Variants in EPS15 observed in about 807,000 individuals in gnomAD.
EPS15 encodes the protein epidermal growth factor receptor pathway substrate 15.
EPS15 carries 72 observed loss-of-function variants against 113.8 expected under a neutral mutation model. The ratio of observed to expected loss-of-function variants is 0.63; its 90% confidence interval spans 0.52 to 0.77. EPS15 has a LOEUF of 0.77. EPS15 is among the 30% of genes least tolerant of loss of function. The pLI, the probability that EPS15 is intolerant of heterozygous loss-of-function variation, is 0.00. For synonymous variants in EPS15, 344 were observed against 363.4 expected, an observed-to-expected ratio of 0.95 and a Z score of 0.61; for missense variants, 1,048 against 1,045.8, an observed-to-expected ratio of 1.00 and a Z score of -0.03.
At chr1:51,508,264 GAGAGAGAGAA>G (rs1286632298) in intron 1 of EPS15, among the ~76,000 whole-genome samples, 7 of 132,498 alleles carry the variant, frequency 5.3e-5, no homozygotes, top group Non-Finnish European at 9.4e-5. Context: ...GAGAGAGAGA[GAGAGAGAGAA>G]AGAGAGAAAG....
At chr1:51,458,792 T>C (rs72696154) in intron 8 of EPS15, 4,188 of 214,454 alleles carry the variant, frequency 0.02, 63 homozygotes, top group Non-Finnish European at 0.027. Context: ...CATCGTACCA[T>C]GCAAAGATTT....
At chr1:51,359,197 T>C (rs1014175062) in intron 24 of EPS15, among the ~76,000 whole-genome samples, 1 of 151,206 alleles carries the variant, frequency 6.6e-6, no homozygotes, top group Non-Finnish European at 1.5e-5. Context: ...TGTAATCCCA[T>C]CACTTTGGGA....
Position 51,447,100 on chromosome 1 carries a change from A to C in EPS15, c.657T>G (p.Val219=), listed in dbSNP as rs1237977989. The C allele has an allele frequency of 6.2e-7, 1 of 1,607,708 alleles. No individual in the cohort carries two copies. Among genetic ancestry groups the C allele is most frequent in the East Asian group, 2.2e-5 (1 of 44,818 alleles). ...ATTTAGCTTTTTCTGCAGGGGATAC[A>C]ACCCACTACAGGGAGGAAAAAAAAC... ...LVPPSKRKTW[V]VSPAEKAKYD... The change falls in exon 10 of 25, where the codon GTT becomes GTG. Residue 219 remains valine (V), a synonymous_variant. Transcript: ENST00000371733.
intron 21 of EPS15, among the ~76,000 whole-genome samples, chr1:51,378,502 A>C (rs2148375692): frequency 6.6e-6 from 1 of 152,204 alleles, no homozygotes; most frequent in East Asian, 1.9e-4. Context: ...AATGTCTCCA[A>C]GGTATGGCTG....
chr1:51,481,284 AT>A lies in EPS15; in HGVS notation c.63del (p.Lys21AsnfsTer23). 2 of 1,372,286 alleles carry A rather than the reference AT, an allele frequency of 1.5e-6. No homozygotes were observed. Among genetic ancestry groups the A allele is most frequent in the Non-Finnish European group, 2.1e-6 (2 of 963,344 alleles). The allele number at this position is 1,372,286 out of a possible 1,614,324, so 85.0% of individuals were successfully genotyped here. On this transcript the variant is annotated frameshift_variant, in exon 2 of 25. Coordinates refer to ENST00000371733, the MANE Select transcript of EPS15 (RefSeq NM_001981.3). LOFTEE classifies it high-confidence loss of function. ...AACAAAAATCTTACCTGTCTATAGTATTTTTCATATACAGGATTCCCACTTG... is the reference window on the plus strand; with the variant it reads ...AACAAAAATCTTACCTGTCTATAGTATTTTCATATACAGGATTCCCACTTG... ...QLSSGNPVYE[K>X]YYRQVDTGNT...
chr1:51,481,340 T>C (rs370338068), intron 1 of EPS15, 26 bp from the exon 2 acceptor site: 118 of 986,794 alleles, frequency 1.2e-4, no homozygotes, highest in Admixed American at 1.8e-5. Flanking sequence ...TAATAAAAAT[T>C]AGATGCTATT....
In EPS15 at chr1:51,356,510, T is replaced by C. The variant is rs557071188; in HGVS notation, c.*190A>G. On this transcript the variant is annotated 3_prime_UTR_variant, in exon 25 of 25. Coordinates refer to ENST00000371733, the MANE Select transcript of EPS15 (RefSeq NM_001981.3). The stretch of plus-strand genomic sequence containing the variant: ...AATTTGTCTGACTGGGTTACGGCTT[T>C]TATAAGAAAAAAAAAAAAAGACGAA... 6 of 503,572 alleles carry C rather than the reference T, an allele frequency of 1.2e-5. No homozygotes were observed. The South Asian group carries it at 1.8e-4, about 15-fold the overall frequency. 31.2% of individuals were successfully genotyped at this position (503,572 alleles called of 1,614,324 possible). A position where few individuals can be genotyped will look rare whatever the true frequency, so the allele number is the denominator to read the frequency against.
intron 21 of EPS15, 32 bp downstream of exon 21, chr1:51,394,349 T>C (rs759839662): frequency 8.5e-6 from 12 of 1,411,714 alleles, no homozygotes; most frequent in Middle Eastern, 1.8e-4. Context: ...AAATGTTTAA[T>C]GTTCAATGAA....
At position 51,463,684 on chromosome 1, in the gene EPS15, T is replaced by C; in HGVS notation, c.490A>G (p.Ile164Val). The change falls in exon 7 of 25, where the codon ATC becomes GTC. Residue 164 changes from isoleucine to valine, a missense_variant. Physicochemically the swap from Ile to Val is conservative, Grantham distance 29 (BLOSUM62 3). Coordinates refer to ENST00000371733, the MANE Select transcript of EPS15 (RefSeq NM_001981.3). ...VLLNSKLPVD[I>V]LGRVWELSDI... ...AAATAATATCTTACTCTTCCAAGGA[T>C]ATCCACAGGTAACTTAGAGTTGAGC... is the stretch of plus-strand genomic sequence containing the variant. The C allele has an allele frequency of 1.9e-6, 3 of 1,588,702 alleles. No homozygotes were observed. The highest frequency in any genetic ancestry group is 2.6e-6 in the Non-Finnish European group (3 of 1,159,972).
intron 8 of EPS15, among the ~76,000 whole-genome samples, chr1:51,459,870 T>C (rs1459246938): frequency 1.3e-5 from 2 of 152,132 alleles, no homozygotes; most frequent in African/African-American, 4.8e-5. Flanking sequence ...CAAGGGTGAA[T>C]ATATCCTTTA....
chr1:51,519,012 G>A (rs990160917), intron 1 of EPS15, among the ~76,000 whole-genome samples, 187 bp downstream of exon 1: 4 of 151,326 alleles, frequency 2.6e-5, no homozygotes, highest in Non-Finnish European at 4.4e-5. Flanking sequence ...GCGGCCGCAG[G>A]GGGGCTCCGG....
intron 15 of EPS15, among the ~76,000 whole-genome samples, chr1:51,406,604 C>T (rs1374823901): frequency 6.6e-6 from 1 of 152,080 alleles, no homozygotes; most frequent in Non-Finnish European, 1.5e-5. Context: ...ATAAGTATTT[C>T]TCTCTTGAAA....
intron 12 of EPS15, among the ~76,000 whole-genome samples, chr1:51,433,086 TAG>T (rs1372384857): frequency 6.6e-6 from 1 of 152,232 alleles, no homozygotes; most frequent in Non-Finnish European, 1.5e-5. Flanking sequence ...AACCATATGC[TAG>T]GATTTAGAAA....
intron 1 of EPS15, among the ~76,000 whole-genome samples, chr1:51,482,164 T>C (rs1366856861): frequency 6.6e-6 from 1 of 152,042 alleles, no homozygotes; most frequent in Non-Finnish European, 1.5e-5. Flanking sequence ...ACTGAGACCC[T>C]GTCTCAAAAA....
At chr1:51,502,276 T>C (rs1557530609) in intron 1 of EPS15, among the ~76,000 whole-genome samples, 1 of 151,996 alleles carries the variant, frequency 6.6e-6, no homozygotes, top group African/African-American at 2.4e-5. Flanking sequence ...AATAAATAAA[T>C]GACAAAATTT....
intron 8 of EPS15, among the ~76,000 whole-genome samples, chr1:51,457,004 G>C (rs1326008966): frequency 2.6e-5 from 4 of 152,088 alleles, no homozygotes; most frequent in Non-Finnish European, 4.4e-5. Flanking sequence ...CATGAGGGGG[G>C]GCCAGGCACA....
intron 2 of EPS15, among the ~76,000 whole-genome samples, chr1:51,480,234 T>C (rs1289419698): frequency 1.3e-5 from 2 of 152,206 alleles, no homozygotes; most frequent in African/African-American, 4.8e-5. Flanking sequence ...GAAACCAGCC[T>C]TTTCTGTGAT....
At chr1:51,421,906 A>T in intron 12 of EPS15, 48 bp from the exon 13 acceptor site, 2 of 1,608,648 alleles carry the variant, frequency 1.2e-6, no homozygotes, top group Non-Finnish European at 1.7e-6. Flanking sequence ...CATCAGCTAC[A>T]GCTGGTATGG....
chr1:51,502,803 G>A (rs773883191), intron 1 of EPS15, among the ~76,000 whole-genome samples: 46 of 152,120 alleles, frequency 3.0e-4, no homozygotes, highest in Middle Eastern at 3.4e-3. Context: ...TCAGGAGTCC[G>A]AAAGCAACCT....
Sources: gnomAD v4.1 joint callset for allele counts (sites outside exome capture counted in the v4.1 genomes callset) on GRCh38, gnomAD v4.1.1 for gene constraint, MANE v1.5 for transcripts, NCBI Gene and HGNC (gene_info 2026-07-23, HGNC 2026-07-21) for gene names.